CLVS1: variants seen among roughly 807,000 people sequenced by gnomAD.
CLVS1 encodes clavesin 1.
CLVS1 carries 10 observed loss-of-function variants against 33.1 expected under a neutral mutation model. That is an observed-to-expected ratio of 0.30 (90% CI 0.19 to 0.51). CLVS1 has a LOEUF of 0.51. CLVS1 is among the 20% of genes least tolerant of loss of function. The pLI is 0.97. For missense variants in CLVS1, 343 were observed against 433.4 expected (o/e 0.79, Z 1.85); for synonymous variants, 163 against 166.1 (o/e 0.98, Z 0.14).
At chr8:61,393,023 A>G (rs1814370012) in intron 3 of CLVS1, among the ~76,000 whole-genome samples, 1 of 151,874 alleles carries the variant, frequency 6.6e-6, no homozygotes, top group African/African-American at 2.4e-5. Flanking sequence ...AGCTGGGATT[A>G]CAGGCAGGTG....
intron 2 of CLVS1, among the ~76,000 whole-genome samples, chr8:61,354,444 G>A (rs2119227): frequency 0.04 from 6,026 of 151,712 alleles, 250 homozygotes; most frequent in South Asian, 0.1. Context: ...ACTGTACATG[G>A]GATTACCATA....
At chr8:61,261,564 A>G (rs1371970985) in intron 2 of CLVS1, among the ~76,000 whole-genome samples, 1 of 152,146 alleles carries the variant, frequency 6.6e-6, no homozygotes, top group Non-Finnish European at 1.5e-5. Flanking sequence ...CTAACTCTCA[A>G]TGTGATAGTA....
chr8:61,155,631 A>G (rs933841938), intron 2 of CLVS1, among the ~76,000 whole-genome samples: 3 of 152,168 alleles, frequency 2.0e-5, no homozygotes, highest in East Asian at 3.8e-4. Context: ...CATCTTTGGC[A>G]TATTTTGATA....
At chr8:61,106,241 G>A (rs1805535656) in intron 1 of CLVS1, among the ~76,000 whole-genome samples, 1 of 152,130 alleles carries the variant, frequency 6.6e-6, no homozygotes, top group African/African-American at 2.4e-5. Context: ...AGTGGTAGGA[G>A]AAGGCCATAC....
chr8:61,130,229 C>A (rs912551376), intron 1 of CLVS1, among the ~76,000 whole-genome samples: 7 of 130,566 alleles, frequency 5.4e-5, no homozygotes, highest in Non-Finnish European at 9.7e-5. Context: ...CAGAGTGAGA[C>A]TCTGTCTCAA....
At chr8:61,033,822 TGAGTC>T in the CLVS1 span, among the ~76,000 whole-genome samples, 1 of 152,226 alleles carries the variant, frequency 6.6e-6, no homozygotes, top group African/African-American at 2.4e-5. Flanking sequence ...CCCTGACAGA[TGAGTC>T]AAGTCTTAGA....
chr8:61,358,453 T>G (rs554103859), intron 2 of CLVS1, among the ~76,000 whole-genome samples: 1 of 152,316 alleles, frequency 6.6e-6, no homozygotes, highest in East Asian at 1.9e-4. Context: ...TTTTATTCTA[T>G]CTCTCTGAAC....
chr8:61,493,169 G>T lies in CLVS1; in HGVS notation c.978-6286G>T, dbSNP rs573503180. Among the ~76,000 whole-genome samples, 3 of 152,180 alleles carry T rather than the reference G, an allele frequency of 2.0e-5. No homozygotes were observed. In the South Asian group the frequency reaches 6.2e-4, roughly 32 times the overall value. ...GTGAAATTATTTTATCAATTATTTT[G>T]ATTTTTTAAAATACTAGACTTCATC... On this transcript the variant is annotated intron_variant, in intron 5 of 5. Transcript: ENST00000325897.
intron 2 of CLVS1, among the ~76,000 whole-genome samples, chr8:61,245,537 G>A (rs1348270615): frequency 6.6e-6 from 1 of 151,752 alleles, no homozygotes; most frequent in African/African-American, 2.4e-5. Context: ...CATTAAATCT[G>A]ACATCTTTTA....
At chr8:61,240,063 T>A (rs1808659391) in intron 2 of CLVS1, among the ~76,000 whole-genome samples, 2 of 152,166 alleles carry the variant, frequency 1.3e-5, no homozygotes, top group Admixed American at 1.3e-4. Flanking sequence ...TGTAGCCAAG[T>A]CTTTCCACCA....
At chr8:61,185,144 T>G (rs550871785) in intron 2 of CLVS1, among the ~76,000 whole-genome samples, 2 of 134,372 alleles carry the variant, frequency 1.5e-5, no homozygotes, top group Non-Finnish European at 3.2e-5. Flanking sequence ...GAGAGTATAG[T>G]TTTTGTTTTT....
chr8:61,310,608 C>G (rs1810797892), intron 2 of CLVS1, among the ~76,000 whole-genome samples: 1 of 152,164 alleles, frequency 6.6e-6, no homozygotes, highest in Non-Finnish European at 1.5e-5. Flanking sequence ...AAAGACAAAT[C>G]CTGTTGCCAC....
chr8:61,365,665 TGC>T (rs1813174414), intron 2 of CLVS1, among the ~76,000 whole-genome samples: 1 of 152,190 alleles, frequency 6.6e-6, no homozygotes, highest in African/African-American at 2.4e-5. Context: ...CCTAGCTCCA[TGC>T]CTAGTGCTCA....
At chr8:61,046,578 G>T in the CLVS1 span, among the ~76,000 whole-genome samples, 1 of 149,214 alleles carries the variant, frequency 6.7e-6, no homozygotes, top group Admixed American at 6.6e-5. Context: ...ATTACCTTGG[G>T]CAGTATGGCC....
chr8:61,104,861 C>G (rs1289730555), intron 1 of CLVS1, among the ~76,000 whole-genome samples: 1 of 152,142 alleles, frequency 6.6e-6, no homozygotes, highest in Non-Finnish European at 1.5e-5. Context: ...CAGAGTCTCG[C>G]TCTGTTGCCC....
At chr8:61,355,925 A>G (rs1334077057) in intron 2 of CLVS1, among the ~76,000 whole-genome samples, 1 of 152,226 alleles carries the variant, frequency 6.6e-6, no homozygotes, top group Non-Finnish European at 1.5e-5. Context: ...TTGGGTGTAT[A>G]CCCAGTAATG....
At chr8:61,273,469 G>A (rs1358798302) in intron 2 of CLVS1, among the ~76,000 whole-genome samples, 3 of 149,838 alleles carry the variant, frequency 2.0e-5, no homozygotes, top group Non-Finnish European at 3.0e-5. Flanking sequence ...GCCCCCAGAG[G>A]TGGAGCCTAC....
At chr8:61,407,979 T>C (rs1563539781) in intron 3 of CLVS1, among the ~76,000 whole-genome samples, 1 of 152,202 alleles carries the variant, frequency 6.6e-6, no homozygotes, top group Non-Finnish European at 1.5e-5. Flanking sequence ...ACAAAACTCA[T>C]CAGATCTGAG....
Position 61,213,976 on chromosome 8 carries a change from C to T in CLVS1, c.-152+82116C>T, listed in dbSNP as rs1808030175. The stretch of plus-strand genomic sequence containing the variant: ...GCCTGGAGATATAGGCCTATAAATG[C>T]CCCCCCACTCAAGGTGTGCCCGTCT... On this transcript the variant is annotated intron_variant, in intron 2 of 2. Coordinates refer to the CLVS1 transcript ENST00000522621. 2.6e-5 allele frequency among the ~76,000 whole-genome samples: 4 copies of T among 151,858 alleles called. No homozygotes were observed. In the South Asian group the frequency reaches 8.3e-4, roughly 32 times the overall value.
Sources: gnomAD v4.1 joint callset for allele counts (sites outside exome capture counted in the v4.1 genomes callset) on GRCh38, gnomAD v4.1.1 for gene constraint, MANE v1.5 for transcripts, NCBI Gene and HGNC (gene_info 2026-07-23, HGNC 2026-07-21) for gene names.